Variants in C1orf87 observed in about 807,000 individuals in gnomAD.
C1orf87 encodes uncharacterized protein C1orf87.
C1orf87 carries 58 observed loss-of-function variants against 60.5 expected under a neutral mutation model. The ratio of observed to expected loss-of-function variants is 0.96; its 90% CI spans 0.78 to 1.19. C1orf87 has a LOEUF of 1.19. C1orf87 is among the 50% of genes most tolerant of loss of function. The pLI is 0.00. For missense variants in C1orf87, 673 were observed against 638.6 expected (o/e 1.05, Z -0.58); for synonymous variants, 236 against 227.4 (o/e 1.04, Z -0.34).
chr1:59,990,660 T>A lies in C1orf87; in HGVS notation c.*13A>T, dbSNP rs1375898792. The A allele has an allele frequency of 1.9e-6, 3 of 1,613,082 alleles. No individual in the cohort carries two copies. Among genetic ancestry groups the A allele is most frequent in the Non-Finnish European group, 2.5e-6 (3 of 1,179,472 alleles). On this transcript the variant is annotated 3_prime_UTR_variant, in exon 12 of 12. Transcript: ENST00000371201. ...ATAAGGGAAACATCTGTTCTCACAA[T>A]ATGGGCTTGTTATCATAGCTCCTTT...
chr1:60,042,084 G>A (rs564924533), intron 3 of C1orf87, among the ~76,000 whole-genome samples: 1 of 152,260 alleles, frequency 6.6e-6, no homozygotes, highest in South Asian at 2.1e-4. Flanking sequence ...CAAGTAGCCC[G>A]ATGTGGTGTG....
intron 3 of C1orf87, among the ~76,000 whole-genome samples, chr1:60,049,478 A>T (rs1645397493): frequency 6.6e-6 from 1 of 152,098 alleles, no homozygotes; most frequent in Non-Finnish European, 1.5e-5. Flanking sequence ...TTTAAGTAGA[A>T]TATTCTATAG....
chr1:60,009,311 G>A (rs681724), intron 9 of C1orf87, among the ~76,000 whole-genome samples: 129,022 of 151,988 alleles, frequency 0.85, 55,075 homozygotes, highest in Non-Finnish European at 0.88. Context: ...GCCTGTGGCT[G>A]CTAGAAGCTG....
In C1orf87 at chr1:60,040,008, C is replaced by T. The variant is rs755722769; in HGVS notation, c.656G>A (p.Ser219Asn). The T allele has an allele frequency of 5.0e-6, 8 of 1,614,054 alleles. No individual in the cohort carries two copies. The highest frequency in any genetic ancestry group is 6.8e-6 in the Non-Finnish European group (8 of 1,180,024). ...SSGFLLQSQL[S>N]RLFLKHEVPL... ...GACTTCATGCTTCAAAAAGAGGCGGCTCAGCTGAGATTGGAGAAGAAATCC... is the reference window on the plus strand; with the variant it reads ...GACTTCATGCTTCAAAAAGAGGCGGTTCAGCTGAGATTGGAGAAGAAATCC... The change falls in exon 5 of 12, where the codon AGC (serine) becomes AAC (asparagine). Residue 219 changes from serine (S) to asparagine (N), a missense_variant. Physicochemically the swap from Ser to Asn is conservative, Grantham distance 46. Transcript: ENST00000371201.
intron 3 of C1orf87, among the ~76,000 whole-genome samples, chr1:60,046,221 C>T (rs1368287756): frequency 7.3e-6 from 1 of 137,098 alleles, no homozygotes; most frequent in Non-Finnish European, 1.6e-5. Flanking sequence ...TCTCCTCCTC[C>T]TCCTCCCCCT....
At chr1:60,036,737 T>C (rs972976143) in intron 6 of C1orf87, among the ~76,000 whole-genome samples, 2 of 152,222 alleles carry the variant, frequency 1.3e-5, no homozygotes, top group African/African-American at 4.8e-5. Flanking sequence ...TCACCTTTTT[T>C]GGCAAACATG....
chr1:60,011,130 T>C (rs1415797314), intron 8 of C1orf87, among the ~76,000 whole-genome samples: 2 of 152,032 alleles, frequency 1.3e-5, no homozygotes, highest in Non-Finnish European at 2.9e-5. Context: ...AACACAATAG[T>C]CAGTGAATTC....
At chr1:60,027,156 A>T (rs1645204003) in intron 7 of C1orf87, among the ~76,000 whole-genome samples, 1 of 152,196 alleles carries the variant, frequency 6.6e-6, no homozygotes, top group Admixed American at 6.5e-5. Flanking sequence ...TTGATACTTC[A>T]GCCTTCGCAG....
intron 2 of C1orf87, among the ~76,000 whole-genome samples, chr1:60,065,823 A>C (rs1220319763): frequency 1.3e-5 from 2 of 152,162 alleles, no homozygotes; most frequent in African/African-American, 4.8e-5. Context: ...AGAACTTTGC[A>C]TATCTTGGGT....
intron 8 of C1orf87, among the ~76,000 whole-genome samples, chr1:60,024,431 G>T (rs1418565085): frequency 6.6e-6 from 1 of 152,156 alleles, no homozygotes; most frequent in Non-Finnish European, 1.5e-5. Flanking sequence ...GTGGAAACAT[G>T]AAGTATTCCC....
intron 3 of C1orf87, among the ~76,000 whole-genome samples, chr1:60,046,057 C>G (rs1645365404): frequency 6.6e-6 from 1 of 152,062 alleles, no homozygotes; most frequent in Non-Finnish European, 1.5e-5. Flanking sequence ...TCTCTTACAC[C>G]TTTTAAAATT....
At chr1:60,063,615 T>C (rs938825338) in intron 2 of C1orf87, among the ~76,000 whole-genome samples, 5 of 152,172 alleles carry the variant, frequency 3.3e-5, no homozygotes, top group African/African-American at 1.2e-4. Flanking sequence ...TCCTGCTCTT[T>C]CTTAAGCATA....
intron 2 of C1orf87, among the ~76,000 whole-genome samples, chr1:60,066,304 G>A (rs1645545554): frequency 6.6e-6 from 1 of 152,092 alleles, no homozygotes; most frequent in Admixed American, 6.6e-5. Flanking sequence ...TTCACAATTG[G>A]AATCAATCCT....
intron 3 of C1orf87, among the ~76,000 whole-genome samples, chr1:60,047,662 T>C (rs1290410949): frequency 6.6e-6 from 1 of 151,748 alleles, no homozygotes; most frequent in Non-Finnish European, 1.5e-5. Context: ...TGTAGGACCA[T>C]AGGGGTTTTA....
intron 7 of C1orf87, among the ~76,000 whole-genome samples, chr1:60,032,336 T>G (rs1442467365): frequency 6.6e-6 from 1 of 152,080 alleles, no homozygotes; most frequent in Admixed American, 6.6e-5. Flanking sequence ...CAATTCTGCC[T>G]CTCAGTTTCC....
rs201946555 is a variant in C1orf87, at chr1:59,998,206, T to C, written c.1273-390A>G. 2.6e-4 allele frequency among the ~76,000 whole-genome samples: 39 copies of C among 152,152 alleles called. No individual in the cohort carries two copies. In the East Asian group the frequency reaches 6.4e-3, roughly 25 times the overall value. ...GAAAGAAATACTTCTGGGTCATGAG[T>C]GTGAGGTTTTTGACAAAAGATGATC... On this transcript the variant is annotated intron_variant, in intron 10 of 11. Transcript: ENST00000371201.
chr1:60,049,784 T>C (rs1645400469), intron 3 of C1orf87, among the ~76,000 whole-genome samples: 1 of 152,132 alleles, frequency 6.6e-6, no homozygotes, highest in Non-Finnish European at 1.5e-5. Context: ...ATCTTACGTA[T>C]GTATGGTATA....
Position 60,072,587 on chromosome 1 carries a change from C to T in C1orf87, c.57G>A (p.Val19=), listed in dbSNP as rs774698167. ...GAAAGTGTTTACTTCCAATGATTTTCACCATGATCTCAGGCATTGCATCTG... is the reference window on the plus strand; with the variant it reads ...GAAAGTGTTTACTTCCAATGATTTTTACCATGATCTCAGGCATTGCATCTG... ...RGSDAMPEIM[V]KIIGSKHFQY... The change falls in exon 2 of 12, where the codon GTG becomes GTA. Residue 19 remains valine, a synonymous_variant. Coordinates refer to ENST00000371201, the MANE Select transcript of C1orf87 (RefSeq NM_152377.3). 2.5e-6 allele frequency: 4 copies of T among 1,613,252 alleles called. No individual in the cohort carries two copies. The South Asian group carries it at 3.3e-5, about 13-fold the overall frequency.
intron 6 of C1orf87, among the ~76,000 whole-genome samples, chr1:60,034,728 C>A (rs776956754): frequency 3.3e-5 from 5 of 152,122 alleles, no homozygotes; most frequent in African/African-American, 4.8e-5. Context: ...GTGCTTTGTT[C>A]TTTTCCTTAA....
Sources: allele counts gnomAD v4.1 joint callset (sites outside exome capture counted in the v4.1 genomes callset), GRCh38; gene constraint gnomAD v4.1.1; transcripts MANE v1.5; gene names NCBI Gene and HGNC (gene_info 2026-07-23, HGNC 2026-07-21).